VPS13B: variants seen among roughly 807,000 people sequenced by gnomAD.
VPS13B encodes intermembrane lipid transfer protein VPS13B.
A neutral mutation model predicts 426.4 loss-of-function variants in VPS13B; 285 were observed. That is an observed-to-expected ratio of 0.67 (90% CI 0.61 to 0.74). The LOEUF (loss-of-function observed/expected upper bound fraction) is 0.74, where lower values mean the gene tolerates loss of function less well. VPS13B is among the 30% of genes least tolerant of loss of function. The probability of loss-of-function intolerance (pLI) is 0.00; values close to 1 mark genes in which losing one functional copy is unlikely to be tolerated. For synonymous variants in VPS13B, 1,676 were observed against 1,676.4 expected (o/e 1.00, Z 0.01); for missense variants, 4,537 against 4,782.6 (o/e 0.95, Z 1.51).
intron 43 of VPS13B, among the ~76,000 whole-genome samples, chr8:99,793,789 T>C (rs903206970): frequency 6.6e-6 from 1 of 152,184 alleles, no homozygotes; most frequent in Non-Finnish European, 1.5e-5. Context: ...GGATGGTATA[T>C]TAGAAAAAGC....
intron 58 of VPS13B, among the ~76,000 whole-genome samples, chr8:99,865,667 C>T (rs779704249): frequency 1.3e-5 from 2 of 152,176 alleles, no homozygotes; most frequent in Non-Finnish European, 2.9e-5. Flanking sequence ...TGTTGGTTTG[C>T]TCGTCTGTTC....
intron 45 of VPS13B, 43 bp from the exon 46 acceptor site, chr8:99,818,408 A>G: frequency 6.4e-7 from 1 of 1,552,478 alleles, no homozygotes; most frequent in South Asian, 1.1e-5. Context: ...TAATTAGTAA[A>G]CTGCTTAGTA....
chr8:99,014,683 A>AC (rs1841519943), intron 2 of VPS13B, among the ~76,000 whole-genome samples: 3 of 146,968 alleles, frequency 2.0e-5, no homozygotes, highest in African/African-American at 7.9e-5. Context: ...GGGGTCGAGG[A>AC]AAAAAAGACA....
At chr8:99,763,051 G>A (rs1023322715) in intron 39 of VPS13B, among the ~76,000 whole-genome samples, 1 of 145,506 alleles carries the variant, frequency 6.9e-6, no homozygotes, top group African/African-American at 2.6e-5. Flanking sequence ...TGGGAGGATC[G>A]CTTGAGCCAG....
chr8:99,207,053 C>T (rs2132780118), intron 17 of VPS13B, among the ~76,000 whole-genome samples: 2 of 152,174 alleles, frequency 1.3e-5, no homozygotes, highest in Middle Eastern at 3.4e-3. Context: ...TTTTGTGAAT[C>T]TTGTGAGTTT....
chr8:99,815,212 C>T (rs1813953991), intron 44 of VPS13B, among the ~76,000 whole-genome samples: 1 of 151,988 alleles, frequency 6.6e-6, no homozygotes, highest in African/African-American at 2.4e-5. Flanking sequence ...GTCCCAAGAT[C>T]TGCAGTCAGC....
At chr8:99,238,746 A>G (rs1209954400) in intron 17 of VPS13B, among the ~76,000 whole-genome samples, 1 of 152,184 alleles carries the variant, frequency 6.6e-6, no homozygotes, top group Non-Finnish European at 1.5e-5. Flanking sequence ...CGTGCAAAAC[A>G]TGTAATATGC....
intron 18 of VPS13B, 64 bp downstream of exon 18, chr8:99,274,396 C>G: frequency 6.2e-7 from 1 of 1,610,534 alleles, no homozygotes; most frequent in Non-Finnish European, 8.5e-7. Flanking sequence ...TTGCGTTTTA[C>G]AAGGAGCGTT....
intron 19 of VPS13B, among the ~76,000 whole-genome samples, chr8:99,310,693 T>G (rs1820910991): frequency 6.6e-6 from 1 of 152,222 alleles, no homozygotes; most frequent in African/African-American, 2.4e-5. Flanking sequence ...AGGATGATGC[T>G]GGCCTCATAA....
intron 7 of VPS13B, among the ~76,000 whole-genome samples, chr8:99,118,816 T>C (rs1042572134): frequency 5.9e-5 from 9 of 152,200 alleles, no homozygotes; most frequent in African/African-American, 2.2e-4. Context: ...ACTTGGGCTG[T>C]TTTTCGTTTT....
At chr8:99,038,809 C>T (rs2132223257) in intron 3 of VPS13B, among the ~76,000 whole-genome samples, 1 of 151,086 alleles carries the variant, frequency 6.6e-6, no homozygotes, top group South Asian at 2.1e-4. Context: ...GCCTCAGCCT[C>T]CTGAGTAGCT....
At chr8:99,133,601 G>A (rs1215264981) in intron 8 of VPS13B, among the ~76,000 whole-genome samples, 2 of 152,142 alleles carry the variant, frequency 1.3e-5, no homozygotes, top group Non-Finnish European at 2.9e-5. Context: ...GATTTAAAGT[G>A]AGAGACAGGG....
At chr8:99,351,153 T>C (rs1184400477) in intron 19 of VPS13B, among the ~76,000 whole-genome samples, 2 of 152,218 alleles carry the variant, frequency 1.3e-5, no homozygotes, top group African/African-American at 4.8e-5. Flanking sequence ...AATAAGGCCA[T>C]TTGCCAACAA....
intron 35 of VPS13B, among the ~76,000 whole-genome samples, chr8:99,673,780 C>A (rs920764695): frequency 6.6e-6 from 1 of 151,816 alleles, no homozygotes; most frequent in Admixed American, 6.6e-5. Context: ...TTGCTATATC[C>A]TTTAGGTTTA....
intron 10 of VPS13B, 109 bp downstream of exon 10, chr8:99,135,246 G>A: frequency 6.9e-7 from 1 of 1,452,224 alleles, no homozygotes; most frequent in Non-Finnish European, 9.4e-7. Context: ...TCTCAGGCTT[G>A]AGAGAGGAGC....
intron 19 of VPS13B, among the ~76,000 whole-genome samples, chr8:99,376,571 T>C (rs1813499249): frequency 6.6e-6 from 1 of 152,174 alleles, no homozygotes; most frequent in Non-Finnish European, 1.5e-5. Flanking sequence ...TTTGAAAATA[T>C]TTATTATATT....
In VPS13B at chr8:99,784,415, A is replaced by C. The variant is rs886062544; in HGVS notation, c.7880A>C (p.Asn2627Thr). 1.1e-5 allele frequency: 18 copies of C among 1,613,760 alleles called. No homozygotes were observed. Among genetic ancestry groups the C allele is most frequent in the Non-Finnish European group, 1.4e-5 (17 of 1,179,728 alleles). The change falls in exon 43 of 62, where the codon AAT becomes ACT. Residue 2627 changes from asparagine to threonine, a missense_variant. Asn to Thr is a moderately conservative substitution (Grantham distance 65, BLOSUM62 0). Coordinates refer to ENST00000357162, the MANE Select transcript of VPS13B (RefSeq NM_152564.5). ...TTTGGCCAGGTGGATACTGATGAAA[A>C]TATTCTGCTGGCGAGTCTCCACAGT... ...LRFGQVDTDE[N>T]ILLASLHSHQ...
In VPS13B at chr8:99,778,836, C is replaced by A; in HGVS notation, c.7584C>A (p.Asp2528Glu). 3 of 1,613,896 alleles carry A rather than the reference C, an allele frequency of 1.9e-6. No individual in the cohort carries two copies. The East Asian group carries it at 6.7e-5, about 36-fold the overall frequency. Residue 2528 changes from aspartate (D) to glutamate (E), a missense_variant, in exon 42 of 62, where the codon GAC (aspartate) becomes GAA (glutamate). Asp to Glu is a conservative substitution (Grantham distance 45, BLOSUM62 2). Coordinates refer to ENST00000357162, the MANE Select transcript of VPS13B (RefSeq NM_152564.5). Reference sequence around the variant, plus strand: ...AGATCCAGTTCTTAGCTCAAGCAGACTGTAAACTTCTAGAGTGCAGAAATG... The same window carrying A: ...AGATCCAGTTCTTAGCTCAAGCAGAATGTAAACTTCTAGAGTGCAGAAATG... ...CQEIQFLAQA[D>E]CKLLECRNVT...
At chr8:99,393,565 T>C (rs1173543695) in intron 21 of VPS13B, among the ~76,000 whole-genome samples, 1 of 152,164 alleles carries the variant, frequency 6.6e-6, no homozygotes, top group Non-Finnish European at 1.5e-5. Flanking sequence ...CTATAGATAT[T>C]CTTCTTATAG....
Sources: gnomAD v4.1 joint callset for allele counts (sites outside exome capture counted in the v4.1 genomes callset) on GRCh38, gnomAD v4.1.1 for gene constraint, MANE v1.5 for transcripts, NCBI Gene and HGNC (gene_info 2026-07-23, HGNC 2026-07-21) for gene names.